The following RADX variants were observed in gnomAD, a reference collection of about 807,000 sequenced individuals.
RADX encodes RPA-related protein RADX.
In RADX, 36 loss-of-function variants were observed where a neutral mutation model predicts 61.6. That is an observed-to-expected ratio of 0.58 (90% CI 0.45 to 0.77). The LOEUF is 0.77. Among genes scored for constraint, RADX ranks in the 30% least tolerant of loss-of-function variants. RADX has a pLI of 0.00. For missense variants in RADX, 497 were observed against 651.1 expected, an observed-to-expected ratio of 0.76 and a Z score of 2.58; for synonymous variants, 272 against 237.9, an observed-to-expected ratio of 1.14 and a Z score of -1.32.
At chrX:106,649,209 A>G (rs777919357) in intron 11 of RADX, among the ~76,000 whole-genome samples, 6 of 111,661 alleles carry the variant, frequency 5.4e-5, no homozygotes, top group African/African-American at 1.9e-4. Flanking sequence ...AAAAGTTTCA[A>G]TGAGCACTTT....
At chrX:106,625,834 A>C (rs1471269668) in intron 3 of RADX, among the ~76,000 whole-genome samples, 2 of 111,331 alleles carry the variant, frequency 1.8e-5, no homozygotes, top group Non-Finnish European at 3.8e-5. Context: ...CTTGTGATCC[A>C]GTAAGAGAAA....
intron 12 of RADX, among the ~76,000 whole-genome samples, 187 bp from the exon 13 acceptor site, chrX:106,668,976 T>C (rs183358661): frequency 1.8e-5 from 2 of 112,193 alleles, no homozygotes; most frequent in East Asian, 5.6e-4. Context: ...CTGGAGTGTC[T>C]ACTCTTTCAA....
chrX:106,660,900 C>A (rs1181995516), intron 11 of RADX, among the ~76,000 whole-genome samples: 1 of 111,691 alleles, frequency 9.0e-6, no homozygotes, highest in Admixed American at 9.5e-5. Context: ...GCTCACAGTT[C>A]CACATGGCTG....
chrX:106,614,853 TA>T (rs1410772568), intron 1 of RADX, among the ~76,000 whole-genome samples: 70 of 104,751 alleles, frequency 6.7e-4, no homozygotes, highest in African/African-American at 1.8e-3. Flanking sequence ...TTGTACACAG[TA>T]AAAAAAAAAG....
intron 11 of RADX, among the ~76,000 whole-genome samples, chrX:106,652,695 G>GCA (rs112557092): frequency 0.038 from 3,722 of 96,871 alleles, 80 homozygotes; most frequent in African/African-American, 0.072. Context: ...ATCATTAAAT[G>GCA]CACACACACA....
chrX:106,612,638 T>A lies in RADX; in HGVS notation c.558T>A (p.Ser186Arg), dbSNP rs1432927475. 8.3e-7 allele frequency: 1 copy of A among 1,209,623 alleles called. No individual in the cohort carries two copies. The change falls in exon 1 of 14, where the codon AGT (serine) becomes AGA (arginine). Residue 186 changes from serine to arginine, a missense_variant. By Grantham distance (110) the Ser-to-Arg change is moderately radical. Transcript: ENST00000372548. ...AGAGGCCTTTAAGAGGCGGGAAGAG[T>A]CATTACCTGGCGCTGTGGAATAACG... ...KPERPLRGGK[S>R]HYLALWNNED...
intron 3 of RADX, among the ~76,000 whole-genome samples, chrX:106,631,138 TTAAA>T (rs755741630): frequency 1.8e-5 from 2 of 111,541 alleles, no homozygotes; most frequent in South Asian, 7.6e-4. Context: ...TAAGAAAGCC[TTAAA>T]TAAATAAGTA....
chrX:106,637,909 A>G lies in RADX; in HGVS notation c.1558A>G (p.Ser520Gly), dbSNP rs774209799. 1.7e-6 allele frequency: 2 copies of G among 1,203,389 alleles called. No individual in the cohort carries two copies. The highest frequency in any genetic ancestry group is 3.0e-5 in the East Asian group (1 of 33,775). ...AGTGCCAGAGACATTTTCCAAGTAT[A>G]GTAGTTCTATTAAAGGTACTAATGT... ...PPVPETFSKY[S>G]SSIKVESLLT... The change falls in exon 8 of 14, where the codon AGT (serine) becomes GGT (glycine). Residue 520 changes from serine to glycine, a missense_variant. Ser to Gly is a moderately conservative substitution (Grantham distance 56). Transcript: ENST00000372548.
chrX:106,634,955 G>A (rs187853964), intron 6 of RADX, among the ~76,000 whole-genome samples: 3 of 111,742 alleles, frequency 2.7e-5, no homozygotes, highest in African/African-American at 9.7e-5. Flanking sequence ...ACGTATATTC[G>A]GATCTTGGTG....
intron 12 of RADX, 89 bp downstream of exon 12, chrX:106,662,394 C>A: frequency 1.2e-6 from 1 of 867,012 alleles, no homozygotes; most frequent in Non-Finnish European, 1.6e-6. Context: ...GCCCCTCCCA[C>A]AAAAACATTA....
In RADX at chrX:106,658,739, G is replaced by C. The variant is rs1928010148; in HGVS notation, c.1979-3276G>C. 3.6e-5 allele frequency among the ~76,000 whole-genome samples: 4 copies of C among 111,517 alleles called. No homozygotes were observed. In the South Asian group the frequency reaches 1.5e-3, roughly 42 times the overall value. On this transcript the variant is annotated intron_variant, in intron 11 of 13. Transcript: ENST00000372548. ...TTTTTAGATGCTTGTAAATTCAAAA[G>C]TCATTCATTTTGTGAATACACAATT...
intron 6 of RADX, 135 bp downstream of exon 6, chrX:106,633,387 C>A (rs1460668228): frequency 1.2e-5 from 6 of 486,718 alleles, no homozygotes; most frequent in Non-Finnish European, 2.0e-5. Flanking sequence ...ATGTTTAAAT[C>A]TTTTCTATAT....
chrX:106,633,529 A>T (rs189902909), intron 6 of RADX, among the ~76,000 whole-genome samples: 1 of 111,995 alleles, frequency 8.9e-6, no homozygotes, highest in African/African-American at 3.2e-5. Flanking sequence ...CATTAAAAAA[A>T]TCCTTAAATT....
chrX:106,627,985 G>T (rs1167132060), intron 3 of RADX, among the ~76,000 whole-genome samples: 1 of 111,107 alleles, frequency 9.0e-6, no homozygotes, highest in Non-Finnish European at 1.9e-5. Context: ...ACAGGCACAC[G>T]CCATCAAGCC....
At position 106,655,219 on chromosome X, in the gene RADX, A is replaced by G. The variant is rs376747604; in HGVS notation, c.1979-6796A>G. 2.7e-5 allele frequency among the ~76,000 whole-genome samples: 3 copies of G among 111,112 alleles called. No individual in the cohort carries two copies. In the Admixed American group the frequency reaches 2.9e-4, roughly 11 times the overall value. On this transcript the variant is annotated intron_variant, in intron 11 of 13. Coordinates refer to ENST00000372548, the MANE Select transcript of RADX (RefSeq NM_018015.6). ...GTATTGCTAATAAATGCTAACCATC[A>G]TCTGAGCCTTAAGTGAGTCGTAGTC...
intron 1 of RADX, among the ~76,000 whole-genome samples, chrX:106,616,598 A>T (rs1310135488): frequency 9.0e-6 from 1 of 111,394 alleles, no homozygotes; most frequent in East Asian, 2.8e-4. Context: ...AAGTATAGAG[A>T]TTTTATTGTT....
At chrX:106,640,428 G>C in intron 9 of RADX, 124 bp from the exon 10 acceptor site, 1 of 447,163 alleles carries the variant, frequency 2.2e-6, no homozygotes, top group South Asian at 5.9e-5. Context: ...TAAAAGCACT[G>C]TTATGATTGA....
chrX:106,614,008 T>G (rs1926741129), intron 1 of RADX, among the ~76,000 whole-genome samples: 1 of 112,068 alleles, frequency 8.9e-6, no homozygotes, highest in African/African-American at 3.2e-5. Flanking sequence ...AATGTCTGTA[T>G]GCCAAAATAA....
At chrX:106,630,408 ATTC>A (rs1417476202) in intron 3 of RADX, among the ~76,000 whole-genome samples, 1 of 110,817 alleles carries the variant, frequency 9.0e-6, no homozygotes, top group African/African-American at 3.3e-5. Context: ...GGCAAACACA[ATTC>A]TTAATGGGTA....
Sources: allele counts gnomAD v4.1 joint callset (sites outside exome capture counted in the v4.1 genomes callset), GRCh38; gene constraint gnomAD v4.1.1; transcripts MANE v1.5; gene names NCBI Gene and HGNC (gene_info 2026-07-23, HGNC 2026-07-21).